ASAP2: variants seen among roughly 807,000 people sequenced by gnomAD.
The protein encoded by ASAP2 is arf-GAP with SH3 domain, ANK repeat and PH domain-containing protein 2.
A neutral mutation model predicts 131.4 loss-of-function variants in ASAP2; 45 were observed. The observed-to-expected ratio is 0.34, with a 90% CI of 0.27 to 0.44. The LOEUF is 0.44. Among genes scored for constraint, ASAP2 ranks in the 20% least tolerant of loss-of-function variants. The pLI is 1.00. For synonymous variants in ASAP2, 510 were observed against 503.0 expected, an observed-to-expected ratio of 1.01 and a Z score of -0.19; for missense variants, 1,011 against 1,297.0, an observed-to-expected ratio of 0.78 and a Z score of 3.39.
intron 25 of ASAP2, among the ~76,000 whole-genome samples, 184 bp downstream of exon 25, chr2:9,400,256 C>T (rs924096787): frequency 7.7e-6 from 1 of 129,640 alleles, no homozygotes; most frequent in Non-Finnish European, 1.6e-5. Flanking sequence ...CCCTTCCCCT[C>T]CTGCCCTCTT....
At chr2:9,264,190 CAAA>C (rs113543532) in intron 1 of ASAP2, among the ~76,000 whole-genome samples, 29 of 123,606 alleles carry the variant, frequency 2.3e-4, no homozygotes, top group East Asian at 4.1e-4. Flanking sequence ...GACCCTGTCT[CAAA>C]AAAATAATAA....
At chr2:9,333,027 T>G (rs1670945847) in intron 7 of ASAP2, among the ~76,000 whole-genome samples, 1 of 152,224 alleles carries the variant, frequency 6.6e-6, no homozygotes, top group South Asian at 2.1e-4. Flanking sequence ...TCCTTCCTCC[T>G]TGGAGTTGCT....
chr2:9,336,847 G>A (rs374674599), intron 9 of ASAP2, among the ~76,000 whole-genome samples: 104 of 152,354 alleles, frequency 6.8e-4, no homozygotes, highest in African/African-American at 2.3e-3. Context: ...CCAGCGCACC[G>A]TTGGAAATGA....
At chr2:9,270,771 G>A (rs1666291907) in intron 1 of ASAP2, among the ~76,000 whole-genome samples, 1 of 129,432 alleles carries the variant, frequency 7.7e-6, no homozygotes, top group Non-Finnish European at 1.7e-5. Flanking sequence ...GTCTCCATGA[G>A]TTCAATTGTT....
chr2:9,376,844 G>T, intron 17 of ASAP2, 64 bp from the exon 18 acceptor site: 1 of 1,395,410 alleles, frequency 7.2e-7, no homozygotes, highest in South Asian at 1.2e-5. Context: ...CGATTTCACC[G>T]GTGTTGGACA....
At chr2:9,368,673 C>T (rs1423056148) in intron 16 of ASAP2, among the ~76,000 whole-genome samples, 154 bp downstream of exon 16, 1 of 152,132 alleles carries the variant, frequency 6.6e-6, no homozygotes, top group Non-Finnish European at 1.5e-5. Flanking sequence ...TCACTTTAAC[C>T]TTTTGGGTGA....
intron 20 of ASAP2, among the ~76,000 whole-genome samples, chr2:9,383,103 G>T (rs187299390): frequency 6.6e-6 from 1 of 151,314 alleles, no homozygotes; most frequent in Non-Finnish European, 1.5e-5. Flanking sequence ...ATCATCTCGG[G>T]GGGGCCACGG....
Position 9,370,628 on chromosome 2 carries a change from T to C in ASAP2, c.1556+2109T>C, listed in dbSNP as rs116096562. Among the ~76,000 whole-genome samples, 707 of 152,260 alleles carry C rather than the reference T, an allele frequency of 4.6e-3. 4 individuals carry two copies. Among genetic ancestry groups the C allele is most frequent in the African/African-American group, 0.016 (673 of 41,538 alleles). On this transcript the variant is annotated intron_variant, in intron 16 of 27. Coordinates refer to ENST00000281419, the MANE Select transcript of ASAP2 (RefSeq NM_003887.3). The stretch of plus-strand genomic sequence containing the variant: ...GATAACGTTCCCCCTCACAGAGGCA[T>C]TGGGGGCATGAGCGGGATGATGGGG...
chr2:9,303,739 A>T (rs78409279), intron 3 of ASAP2, among the ~76,000 whole-genome samples: 2,061 of 152,380 alleles, frequency 0.014, 53 homozygotes, highest in African/African-American at 0.048. Flanking sequence ...CTGGTGTCAG[A>T]TATCTACATT....
At chr2:9,378,879 G>A (rs1290687518) in intron 18 of ASAP2, 65 bp from the exon 19 acceptor site, 41 of 1,194,848 alleles carry the variant, frequency 3.4e-5, no homozygotes, top group Non-Finnish European at 3.8e-5. Flanking sequence ...GCTCCCTGCC[G>A]GGCAGTCCCT....
chr2:9,295,950 T>C (rs528150828), intron 2 of ASAP2, among the ~76,000 whole-genome samples: 1 of 152,302 alleles, frequency 6.6e-6, no homozygotes, highest in East Asian at 1.9e-4. Context: ...CAGGAACAAA[T>C]GTTCCCTCGT....
At chr2:9,304,503 T>TCTCGGTGGTCGCCGTATCATTAAAAA (rs1378616561) in intron 3 of ASAP2, among the ~76,000 whole-genome samples, 1 of 105,884 alleles carries the variant, frequency 9.4e-6, no homozygotes, top group African/African-American at 3.7e-5. Flanking sequence ...GGGGTGTAGA[T>TCTCGGTGGTCGCCGTATCATTAAAAA]ACAGGTGGGA....
intron 3 of ASAP2, among the ~76,000 whole-genome samples, chr2:9,307,203 G>A (rs551797754): frequency 6.6e-6 from 1 of 152,308 alleles, no homozygotes; most frequent in East Asian, 1.9e-4. Flanking sequence ...TTCCCCTAGA[G>A]TTTCTGATTC....
intron 1 of ASAP2, among the ~76,000 whole-genome samples, chr2:9,277,329 G>A (rs186295089): frequency 2.6e-5 from 4 of 152,284 alleles, no homozygotes; most frequent in African/African-American, 9.6e-5. Context: ...GGAAGACTGG[G>A]GAGGAAAAGT....
chr2:9,317,446 A>T (rs118200130), intron 3 of ASAP2, among the ~76,000 whole-genome samples: 45 of 9,242 alleles, frequency 4.9e-3, no homozygotes, highest in African/African-American at 0.012. Flanking sequence ...TCACATTCTC[A>T]CACACACATG....
At chr2:9,361,509 CTTCT>C (rs986839827) in intron 15 of ASAP2, among the ~76,000 whole-genome samples, 6 of 152,068 alleles carry the variant, frequency 3.9e-5, no homozygotes, top group African/African-American at 7.2e-5. Flanking sequence ...AATTTCAAGG[CTTCT>C]TTCTTTCTTT....
At chr2:9,250,730 G>A (rs1664645748) in intron 1 of ASAP2, among the ~76,000 whole-genome samples, 1 of 152,206 alleles carries the variant, frequency 6.6e-6, no homozygotes, top group African/African-American at 2.4e-5. Flanking sequence ...TGGAGCGGAG[G>A]TGTCTCAGCC....
chr2:9,318,167 G>A (rs1049506136), intron 3 of ASAP2, among the ~76,000 whole-genome samples: 1 of 152,226 alleles, frequency 6.6e-6, no homozygotes, highest in African/African-American at 2.4e-5. Context: ...CCGTGATTGA[G>A]AGTCAGAAGT....
In ASAP2 at chr2:9,400,054, G is replaced by C. The variant is rs755623988; in HGVS notation, c.2716G>C (p.Gly906Arg). 2 of 1,613,364 alleles carry C rather than the reference G, an allele frequency of 1.2e-6. No homozygotes were observed. Among genetic ancestry groups the C allele is most frequent in the East Asian group, 4.5e-5 (2 of 44,874 alleles). ...CAAGTCCACCCCACTGACCAACAAA[G>C]GCCAACCGAGAGGACCTGGTAATTA... ...ADKSTPLTNK[G>R]QPRGPVDLSA... Residue 906 changes from glycine to arginine, a missense_variant, in exon 25 of 28, where the codon GGC (glycine) becomes CGC (arginine). Physicochemically the swap from Gly to Arg is moderately radical, Grantham distance 125. Transcript: ENST00000281419.
Sources: gnomAD v4.1 joint callset for allele counts (sites outside exome capture counted in the v4.1 genomes callset) on GRCh38, gnomAD v4.1.1 for gene constraint, MANE v1.5 for transcripts, NCBI Gene and HGNC (gene_info 2026-07-23, HGNC 2026-07-21) for gene names.